Variants in SLC8A1 observed in about 807,000 individuals in gnomAD.
The protein encoded by SLC8A1 is solute carrier family 8 member A1, also known as sodium/calcium exchanger 1.
SLC8A1 carries 18 observed loss-of-function variants against 68.3 expected under a neutral mutation model. The ratio of observed to expected loss-of-function variants is 0.26; its 90% CI spans 0.18 to 0.39. The LOEUF (loss-of-function observed/expected upper bound fraction) is 0.39, where lower values mean the gene tolerates loss of function less well. SLC8A1 is among the 10% of genes least tolerant of loss of function. The pLI is 1.00. For missense variants in SLC8A1, 985 were observed against 1,156.7 expected (o/e 0.85, Z 2.15); for synonymous variants, 475 against 415.5 (o/e 1.14, Z -1.74).
chr2:40,389,816 T>C (rs1034189467), intron 2 of SLC8A1, among the ~76,000 whole-genome samples: 1 of 148,290 alleles, frequency 6.7e-6, no homozygotes, highest in African/African-American at 2.5e-5. Flanking sequence ...AATATATATA[T>C]GATATATGAT....
chr2:40,128,156 C>T (rs1426939426), intron 7 of SLC8A1, among the ~76,000 whole-genome samples: 1 of 152,276 alleles, frequency 6.6e-6, no homozygotes, highest in African/African-American at 2.4e-5. Context: ...ATGCACTACC[C>T]CAAACAGATA....
At chr2:40,430,668 A>C (rs918769043) in intron 1 of SLC8A1, among the ~76,000 whole-genome samples, 1 of 152,220 alleles carries the variant, frequency 6.6e-6, no homozygotes, top group Non-Finnish European at 1.5e-5. Flanking sequence ...AGCCAAAATC[A>C]CAGGACTTTT....
intron 1 of SLC8A1, among the ~76,000 whole-genome samples, chr2:40,433,703 C>G (rs1194933233): frequency 6.6e-6 from 1 of 152,142 alleles, no homozygotes. Context: ...AGACAGTAAA[C>G]TCCTCAACTA....
At chr2:40,255,031 A>ATTCT (rs1162234978) in intron 2 of SLC8A1, 1 of 150,860 alleles carries the variant, frequency 6.6e-6, no homozygotes, top group Non-Finnish European at 1.5e-5. Context: ...GACTGTCTTC[A>ATTCT]TTCTTTGCTT....
At chr2:40,337,751 A>C (rs2149396576) in intron 2 of SLC8A1, among the ~76,000 whole-genome samples, 1 of 152,268 alleles carries the variant, frequency 6.6e-6, no homozygotes, top group East Asian at 1.9e-4. Flanking sequence ...ATTCATGGAG[A>C]AATATACTAT....
At chr2:40,278,556 A>G (rs113674722) in intron 2 of SLC8A1, among the ~76,000 whole-genome samples, 10 of 152,326 alleles carry the variant, frequency 6.6e-5, no homozygotes, top group African/African-American at 2.4e-4. Context: ...GTAACTTTGC[A>G]TATTATTCAT....
chr2:40,337,809 C>T (rs1379751121), intron 2 of SLC8A1, among the ~76,000 whole-genome samples: 4 of 152,044 alleles, frequency 2.6e-5, no homozygotes, highest in South Asian at 4.2e-4. Flanking sequence ...GTACATCTTC[C>T]GAAGTACAGG....
intron 2 of SLC8A1, among the ~76,000 whole-genome samples, chr2:40,328,805 C>T (rs1449557094): frequency 1.3e-5 from 2 of 152,078 alleles, no homozygotes; most frequent in African/African-American, 4.8e-5. Flanking sequence ...TCAAAATCTC[C>T]CACCTGGACT....
intron 2 of SLC8A1, among the ~76,000 whole-genome samples, chr2:40,368,139 A>G (rs1371273025): frequency 1.3e-5 from 2 of 152,084 alleles, no homozygotes; most frequent in Admixed American, 6.6e-5. Flanking sequence ...TAAAAACGTT[A>G]AAGATACTAA....
At chr2:40,335,889 TA>T (rs746015783) in intron 2 of SLC8A1, among the ~76,000 whole-genome samples, 6 of 152,224 alleles carry the variant, frequency 3.9e-5, no homozygotes, top group Non-Finnish European at 8.8e-5. Flanking sequence ...AAGAAAGAGA[TA>T]AGTGAATTAA....
intron 2 of SLC8A1, among the ~76,000 whole-genome samples, chr2:40,236,107 C>G (rs1052057054): frequency 4.3e-4 from 65 of 152,148 alleles, no homozygotes; most frequent in African/African-American, 1.5e-3. Context: ...CTGTAGATGT[C>G]TATTAGGTCC....
chr2:40,307,107 A>T lies in SLC8A1; in HGVS notation c.1808+121366T>A, dbSNP rs530909466. ...GAGGTGAAAGCAAACAAGTGTCAGTAAACAGATAAACAGATGACTGGCTAA... is the reference window on the plus strand; with the variant it reads ...GAGGTGAAAGCAAACAAGTGTCAGTTAACAGATAAACAGATGACTGGCTAA... On this transcript the variant is annotated intron_variant, in intron 2 of 7. Transcript: ENST00000406785. Among the ~76,000 whole-genome samples the T allele has an allele frequency of 7.9e-5, 12 of 152,122 alleles. No homozygotes were observed. The East Asian group carries it at 2.3e-3, about 29-fold the overall frequency.
intron 2 of SLC8A1, among the ~76,000 whole-genome samples, chr2:40,354,133 G>A (rs970862013): frequency 5.3e-5 from 8 of 152,122 alleles, no homozygotes; most frequent in East Asian, 1.9e-4. Flanking sequence ...CTCCATATGC[G>A]CTATACCACT....
intron 1 of SLC8A1, among the ~76,000 whole-genome samples, chr2:40,430,659 G>A (rs941624104): frequency 4.8e-4 from 73 of 152,252 alleles, no homozygotes; most frequent in African/African-American, 1.7e-3. Context: ...CATGCTAATA[G>A]CCAAAATCAC....
chr2:40,445,555 A>G (rs1457786030), intron 1 of SLC8A1, among the ~76,000 whole-genome samples: 1 of 152,240 alleles, frequency 6.6e-6, no homozygotes, highest in Non-Finnish European at 1.5e-5. Context: ...TTAATTTTAC[A>G]TGGCCTCCAT....
At chr2:40,356,970 A>G (rs1672855625) in intron 2 of SLC8A1, among the ~76,000 whole-genome samples, 1 of 152,196 alleles carries the variant, frequency 6.6e-6, no homozygotes, top group African/African-American at 2.4e-5. Context: ...CCCTATTATA[A>G]ACAAGAACAC....
chr2:40,212,535 G>A (rs539012427), intron 2 of SLC8A1, among the ~76,000 whole-genome samples: 4 of 152,102 alleles, frequency 2.6e-5, no homozygotes, highest in Non-Finnish European at 5.9e-5. Flanking sequence ...TGTCTGTGTG[G>A]TCCTCCCAAA....
chr2:40,456,172 C>T (rs34898167), upstream of SLC8A1, among the ~76,000 whole-genome samples: 3,356 of 152,016 alleles, frequency 0.022, 35 homozygotes, highest in Non-Finnish European at 0.025. Context: ...AAAAATTAGC[C>T]GGGCGTGGTG....
exon 7 of SLC8A1, chr2:40,139,464 T>C (rs753454165): frequency 6.2e-7 from 1 of 1,614,112 alleles, no homozygotes. Flanking sequence ...AGGCCAATGG[T>C]GCAGCCAAAG....
Sources: allele counts gnomAD v4.1 joint callset (sites outside exome capture counted in the v4.1 genomes callset), GRCh38; gene constraint gnomAD v4.1.1; transcripts MANE v1.5; gene names NCBI Gene and HGNC (gene_info 2026-07-23, HGNC 2026-07-21).